MIA2: variants seen among roughly 807,000 people sequenced by gnomAD.
The protein encoded by MIA2 is MIA SH3 domain ER export factor 2, also known as melanoma inhibitory activity protein 2.
A neutral mutation model predicts 167.8 loss-of-function variants in MIA2; 127 were observed. The observed-to-expected ratio is 0.76, with a 90% CI of 0.66 to 0.88. The LOEUF is 0.88. Among genes scored for constraint, MIA2 ranks in the 40% least tolerant of loss-of-function variants. The pLI is 0.00. For synonymous variants in MIA2, 552 were observed against 541.9 expected, an observed-to-expected ratio of 1.02 and a Z score of -0.26; for missense variants, 1,690 against 1,624.7, an observed-to-expected ratio of 1.04 and a Z score of -0.69.
At chr14:39,266,735 A>T (rs781528940) in intron 6 of MIA2, 14 of 984,174 alleles carry the variant, frequency 1.4e-5, no homozygotes, top group Non-Finnish European at 1.7e-5. Flanking sequence ...CTCCCGGGGT[A>T]CGCCGCCGTC....
intron 23 of MIA2, among the ~76,000 whole-genome samples, chr14:39,373,560 G>A (rs975561534): frequency 4.6e-5 from 7 of 152,334 alleles, no homozygotes; most frequent in South Asian, 4.1e-4. Context: ...GGTGGTTCAC[G>A]CCTGTAATCC....
chr14:39,324,315 C>T (rs1435412503), intron 24 of MIA2, among the ~76,000 whole-genome samples: 6 of 152,072 alleles, frequency 3.9e-5, no homozygotes, highest in Non-Finnish European at 8.8e-5. Context: ...GCTTTCCCAG[C>T]CTTCTTCTTC....
intron 2 of MIA2, among the ~76,000 whole-genome samples, chr14:39,240,298 A>G (rs2053982400): frequency 6.6e-6 from 1 of 152,238 alleles, no homozygotes; most frequent in Non-Finnish European, 1.5e-5. Flanking sequence ...AAAAACGAAT[A>G]AAATGAGTAA....
chr14:39,320,304 G>A (rs1037263358), intron 23 of MIA2, among the ~76,000 whole-genome samples: 3 of 152,106 alleles, frequency 2.0e-5, no homozygotes, highest in Admixed American at 6.5e-5. Flanking sequence ...TTTGAGAGTG[G>A]TGAAGTTTGT....
intron 17 of MIA2, among the ~76,000 whole-genome samples, chr14:39,304,622 G>A (rs1257842544): frequency 6.6e-6 from 1 of 152,046 alleles, no homozygotes; most frequent in Non-Finnish European, 1.5e-5. Flanking sequence ...TAAAAAACAT[G>A]TAAAACCGTA....
chr14:39,287,221 G>A (rs1249749012), intron 9 of MIA2, among the ~76,000 whole-genome samples: 1 of 152,038 alleles, frequency 6.6e-6, no homozygotes, highest in Non-Finnish European at 1.5e-5. Flanking sequence ...CTACAGGCGT[G>A]CACCACCACG....
At chr14:39,294,512 T>C (rs896053762) in intron 12 of MIA2, among the ~76,000 whole-genome samples, 1 of 152,010 alleles carries the variant, frequency 6.6e-6, no homozygotes, top group Non-Finnish European at 1.5e-5. Flanking sequence ...TTTTTTTTTT[T>C]TTTACGTGAA....
chr14:39,311,962 T>C (rs2064382255), intron 18 of MIA2, among the ~76,000 whole-genome samples: 1 of 151,620 alleles, frequency 6.6e-6, no homozygotes, highest in African/African-American at 2.4e-5. Context: ...CCCGAGTAGC[T>C]GGGATTACAG....
downstream of MIA2, among the ~76,000 whole-genome samples, chr14:39,353,006 T>C (rs973928119): frequency 3.3e-5 from 5 of 152,170 alleles, no homozygotes; most frequent in African/African-American, 1.2e-4. Flanking sequence ...CTTTGACCAG[T>C]ATCTCCCCAG....
At chr14:39,282,540 G>A (rs1202235153) in intron 9 of MIA2, among the ~76,000 whole-genome samples, 1 of 151,926 alleles carries the variant, frequency 6.6e-6, no homozygotes, top group Non-Finnish European at 1.5e-5. Context: ...ATCTCATGTT[G>A]TACATGAGAT....
At chr14:39,274,169 C>G (rs906329072) in intron 6 of MIA2, among the ~76,000 whole-genome samples, 1 of 151,964 alleles carries the variant, frequency 6.6e-6, no homozygotes, top group Non-Finnish European at 1.5e-5. Context: ...TAATCACTAC[C>G]GTACTTTATG....
At chr14:39,264,911 C>G (rs948390042) in intron 6 of MIA2, among the ~76,000 whole-genome samples, 21 of 152,168 alleles carry the variant, frequency 1.4e-4, no homozygotes, top group Non-Finnish European at 2.6e-4. Flanking sequence ...AGCATTTGTT[C>G]TAACATCTGC....
intron 17 of MIA2, among the ~76,000 whole-genome samples, chr14:39,306,325 G>A (rs973200883): frequency 2.0e-5 from 3 of 152,184 alleles, no homozygotes; most frequent in African/African-American, 7.2e-5. Context: ...GGTTTTGCAG[G>A]CTGTACAGGC....
intron 6 of MIA2, among the ~76,000 whole-genome samples, chr14:39,274,103 G>C (rs989873024): frequency 2.0e-5 from 3 of 152,008 alleles, no homozygotes; most frequent in Admixed American, 6.6e-5. Context: ...ACTTGATCTT[G>C]AACTCCTTTA....
chr14:39,300,084 C>T, intron 14 of MIA2, 98 bp downstream of exon 14: 7 of 1,440,904 alleles, frequency 4.9e-6, no homozygotes, highest in Non-Finnish European at 6.6e-6. Flanking sequence ...ATTTTCACAA[C>T]ATATTTTCAT....
intron 7 of MIA2, among the ~76,000 whole-genome samples, chr14:39,278,805 G>A (rs1435647572): frequency 6.6e-6 from 1 of 152,148 alleles, no homozygotes; most frequent in Non-Finnish European, 1.5e-5. Flanking sequence ...TTAGAGTAAA[G>A]TTATTTCAGA....
At chr14:39,238,793 C>CAAAAAAAAGAAAAAAAAAAAAAA (rs2053891871) in intron 2 of MIA2, among the ~76,000 whole-genome samples, 1 of 30,806 alleles carries the variant, frequency 3.2e-5, no homozygotes, top group African/African-American at 1.8e-4. Context: ...GACCCTGTCT[C>CAAAAAAAAGAAAAAAAAAAAAAA]AAAAAAAAAA....
intron 23 of MIA2, among the ~76,000 whole-genome samples, chr14:39,382,887 CAAGAT>C (rs2075195178): frequency 7.4e-6 from 1 of 134,428 alleles, no homozygotes; most frequent in African/African-American, 2.9e-5. Flanking sequence ...GGTACAATAA[CAAGAT>C]AAGAATTGGA....
At chr14:39,266,192 T>G in intron 6 of MIA2, 1 of 985,420 alleles carries the variant, frequency 1.0e-6, no homozygotes, top group Non-Finnish European at 1.2e-6. Context: ...CCTTTTTGAG[T>G]TGCTTCACCA....
Sources: gnomAD v4.1 joint callset for allele counts (sites outside exome capture counted in the v4.1 genomes callset) on GRCh38, gnomAD v4.1.1 for gene constraint, MANE v1.5 for transcripts, NCBI Gene and HGNC (gene_info 2026-07-23, HGNC 2026-07-21) for gene names.